The following FMN1 variants were observed in gnomAD, a reference collection of about 807,000 sequenced individuals.
FMN1 encodes the protein formin 1.
Under a neutral mutation model 132.4 loss-of-function variants are expected in FMN1, and 110 were observed. That is an observed-to-expected ratio of 0.83 (90% CI 0.71 to 0.97). The LOEUF (loss-of-function observed/expected upper bound fraction) is 0.97. Ranked by LOEUF, FMN1 falls within the 50% of genes least tolerant of loss-of-function variation. The pLI is 0.00. For missense variants in FMN1, 1,792 were observed against 1,705.3 expected (o/e 1.05, Z -0.90); for synonymous variants, 722 against 651.7 (o/e 1.11, Z -1.64).
chr15:32,946,920 G>C (rs567575673), intron 9 of FMN1, among the ~76,000 whole-genome samples: 1 of 152,240 alleles, frequency 6.6e-6, no homozygotes, highest in African/African-American at 2.4e-5. Context: ...TTACTGATTG[G>C]TAAGAATTCC....
intron 3 of FMN1, among the ~76,000 whole-genome samples, chr15:33,170,518 C>T (rs6494933): frequency 0.87 from 131,653 of 151,450 alleles, 57,779 homozygotes; most frequent in Middle Eastern, 0.95. Context: ...AAGAAACAAA[C>T]ATACAGAATA....
intron 4 of FMN1, among the ~76,000 whole-genome samples, chr15:33,151,690 A>G (rs1353642241): frequency 1.3e-5 from 2 of 151,052 alleles, no homozygotes; most frequent in African/African-American, 5.0e-5. Flanking sequence ...TCTTGCCTCC[A>G]GAAATCTCTC....
chr15:33,066,816 C>A, intron 5 of FMN1: 1 of 1,613,946 alleles, frequency 6.2e-7, no homozygotes, highest in Non-Finnish European at 8.5e-7. Context: ...CCCTTCGGTT[C>A]AGTTTTGGGC....
At chr15:33,021,341 A>C (rs1193378436) in intron 6 of FMN1, among the ~76,000 whole-genome samples, 1 of 145,516 alleles carries the variant, frequency 6.9e-6, no homozygotes, top group Non-Finnish European at 1.6e-5. Context: ...TGATGAATAC[A>C]CTTGGTAAGT....
intron 7 of FMN1, among the ~76,000 whole-genome samples, chr15:32,997,912 T>C (rs1188194886): frequency 6.6e-6 from 1 of 152,148 alleles, no homozygotes; most frequent in African/African-American, 2.4e-5. Context: ...TGTCCATAAA[T>C]ATCTAAAAGC....
intron 16 of FMN1, among the ~76,000 whole-genome samples, chr15:32,875,326 A>G (rs1426376175): frequency 6.6e-6 from 1 of 152,194 alleles, no homozygotes; most frequent in African/African-American, 2.4e-5. Context: ...TACTTTCACC[A>G]TCTACAGGAA....
chr15:33,106,938 A>G (rs1364958371), intron 4 of FMN1, among the ~76,000 whole-genome samples: 1 of 152,040 alleles, frequency 6.6e-6, no homozygotes, highest in Admixed American at 6.6e-5. Flanking sequence ...ATATCATCTC[A>G]GCTCTAGTGA....
intron 3 of FMN1, among the ~76,000 whole-genome samples, chr15:33,166,324 C>CTT (rs112939787): frequency 9.0e-4 from 130 of 144,266 alleles, no homozygotes; most frequent in African/African-American, 3.0e-3. Flanking sequence ...TTTTCTTTTT[C>CTT]TTTTTTTTTT....
intron 17 of FMN1, among the ~76,000 whole-genome samples, chr15:32,815,460 C>T (rs2058029940): frequency 6.6e-6 from 1 of 152,074 alleles, no homozygotes; most frequent in South Asian, 2.1e-4. Context: ...AGGGCCAATA[C>T]TTCATTCTTC....
rs531441748 is a variant in FMN1 at position 33,049,670 on chromosome 15, G to C, written c.2161+15287C>G. Among the ~76,000 whole-genome samples, 37 of 152,338 alleles carry C rather than the reference G, an allele frequency of 2.4e-4. No individual in the cohort carries two copies. The South Asian group carries it at 2.9e-3, about 12-fold the overall frequency. ...TTCTATACATCGTGAACTATAACAA[G>C]TGGAGATGTAAACTGACCTCAGCCA... On this transcript the variant is annotated intron_variant, in intron 6 of 20. Coordinates refer to ENST00000616417, the MANE Select transcript of FMN1 (RefSeq NM_001277313.2).
At chr15:32,835,938 G>A (rs983517824) in intron 17 of FMN1, among the ~76,000 whole-genome samples, 8 of 152,084 alleles carry the variant, frequency 5.3e-5, no homozygotes, top group Admixed American at 3.3e-4. Flanking sequence ...ATGGCTCGCT[G>A]CAGCCTCAAT....
intron 12 of FMN1, among the ~76,000 whole-genome samples, chr15:32,907,736 C>T (rs1026141204): frequency 1.3e-5 from 2 of 152,048 alleles, no homozygotes; most frequent in Non-Finnish European, 2.9e-5. Flanking sequence ...TTCAAGGTAG[C>T]AACAGGCAAA....
Position 33,153,543 on chromosome 15 carries a change from T to G in FMN1, c.1372A>C (p.Arg458=). 11 of 1,536,238 alleles carry G rather than the reference T, an allele frequency of 7.2e-6. No individual in the cohort carries two copies. The highest frequency in any genetic ancestry group is 9.6e-6 in the Non-Finnish European group (11 of 1,146,936). The change falls in exon 4 of 21, where the codon AGG becomes CGG. Residue 458 remains arginine, a synonymous_variant. Coordinates refer to ENST00000616417, the MANE Select transcript of FMN1 (RefSeq NM_001277313.2). ...CCACCAAGGGGCAACCCGGCTCTCC[T>G]CTTGTTTCTCGTTTCTGGGCGAGTG... ...PHTRPETRNK[R]RAGLPLGGHK...
intron 7 of FMN1, among the ~76,000 whole-genome samples, chr15:32,994,378 G>C (rs923541330): frequency 1.3e-5 from 2 of 152,020 alleles, no homozygotes; most frequent in Admixed American, 6.6e-5. Flanking sequence ...TTTTTCCTGT[G>C]CTTTGGCCAC....
intron 6 of FMN1, among the ~76,000 whole-genome samples, chr15:33,055,636 G>A (rs928709522): frequency 1.3e-5 from 2 of 150,446 alleles, no homozygotes; most frequent in Non-Finnish European, 3.0e-5. Flanking sequence ...AAAAATCAAC[G>A]CCCAGAATAT....
intron 4 of FMN1, among the ~76,000 whole-genome samples, chr15:33,140,823 AG>A (rs2140250614): frequency 6.6e-6 from 1 of 152,356 alleles, no homozygotes; most frequent in East Asian, 1.9e-4. Flanking sequence ...AAGAAAAGAA[AG>A]GTAGAATATA....
intron 3 of FMN1, among the ~76,000 whole-genome samples, chr15:33,178,233 G>C (rs1176491015): frequency 6.6e-6 from 1 of 152,170 alleles, no homozygotes; most frequent in Admixed American, 6.5e-5. Flanking sequence ...ATGAGACCCA[G>C]GACACAGTCA....
In FMN1 at chr15:33,154,395, G is replaced by A; in HGVS notation, c.520C>T (p.Gln174Ter). The A allele has an allele frequency of 6.5e-7, 1 of 1,536,122 alleles. No homozygotes were observed. The highest frequency in any genetic ancestry group is 8.7e-7 in the Non-Finnish European group (1 of 1,146,912). Residue 174 changes from glutamine to a stop codon, truncating the protein, a stop_gained, in exon 4 of 21, where the codon CAG becomes TAG. Transcript: ENST00000616417. LOFTEE classifies it high-confidence loss of function. ...CGCCCTTTTCTTTTGGTCCTCTTCTGTGGAAGGGCCCCAAAGCTCTCTCTC... is the reference window on the plus strand; with the variant it reads ...CGCCCTTTTCTTTTGGTCCTCTTCTATGGAAGGGCCCCAAAGCTCTCTCTC... ...GRRESFGALP[Q>*]KRTKRKGRGG...
intron 16 of FMN1, among the ~76,000 whole-genome samples, chr15:32,876,996 A>T (rs947186633): frequency 6.6e-6 from 1 of 152,144 alleles, no homozygotes; most frequent in Admixed American, 6.6e-5. Context: ...ATAAAGACAG[A>T]TGGTATCGGC....
Sources: allele counts gnomAD v4.1 joint callset (sites outside exome capture counted in the v4.1 genomes callset), GRCh38; gene constraint gnomAD v4.1.1; transcripts MANE v1.5; gene names NCBI Gene and HGNC (gene_info 2026-07-23, HGNC 2026-07-21).